Variants in VRK3 observed in about 807,000 individuals in gnomAD.
VRK3 encodes serine/threonine-protein kinase VRK3.
A neutral mutation model predicts 60.4 loss-of-function variants in VRK3; 50 were observed. The observed-to-expected ratio is 0.83, with a 90% CI of 0.66 to 1.05. The LOEUF (loss-of-function observed/expected upper bound fraction) is 1.05, where lower values mean the gene tolerates loss of function less well. Ranked by LOEUF, VRK3 falls within the 50% of genes least tolerant of loss-of-function variation. The probability of loss-of-function intolerance (pLI) is 0.00; values close to 1 mark genes in which losing one functional copy is unlikely to be tolerated. For synonymous variants in VRK3, 246 were observed against 227.8 expected (o/e 1.08, Z -0.72); for missense variants, 549 against 585.3 (o/e 0.94, Z 0.64).
chr19:49,990,601 G>C (rs2076593966), intron 10 of VRK3, among the ~76,000 whole-genome samples: 1 of 151,916 alleles, frequency 6.6e-6, no homozygotes, highest in Non-Finnish European at 1.5e-5. Context: ...TTGAACCCCT[G>C]GGTTCAAGTG....
At chr19:50,007,952 C>T in intron 4 of VRK3, 126 bp from the exon 5 acceptor site, 1 of 1,362,262 alleles carries the variant, frequency 7.3e-7, no homozygotes. Flanking sequence ...TTTCCTGGGA[C>T]CTTCTATGAG....
rs755820657 is a variant in VRK3, at chr19:49,994,880, C to T, written c.804G>A (p.Ser268=). 9 of 1,614,036 alleles carry T rather than the reference C, an allele frequency of 5.6e-6. No individual in the cohort carries two copies. Among genetic ancestry groups the T allele is most frequent in the African/African-American group, 2.7e-5 (2 of 74,928 alleles). Residue 268 remains serine (S), a synonymous_variant, in exon 9 of 15, where the codon TCG becomes TCA. Transcript: ENST00000316763. ...VLPSLGRSLQ[S]ALDVSPKHVL... is the part of the protein sequence containing the mutation. ...CATGCTTTGGGCTGACATCCAGGGC[C>T]GACTGAAGGCTCCTCCCCAGGCTGG...
rs966069373 is a variant in VRK3 at position 49,997,485 on chromosome 19, C to T, written c.679+19G>A. The T allele has an allele frequency of 6.2e-7, 1 of 1,613,460 alleles. No individual in the cohort carries two copies. Among genetic ancestry groups the T allele is most frequent in the Middle Eastern group, 1.7e-4 (1 of 6,058 alleles). On this transcript the variant is annotated intron_variant, in intron 7 of 14. Transcript: ENST00000316763. ...GCCCCCCTCACTCTCCCCTCCTTGCCCAGTTCCCTGTCAGGTACCTTGCAG... is the reference window on the plus strand; with the variant it reads ...GCCCCCCTCACTCTCCCCTCCTTGCTCAGTTCCCTGTCAGGTACCTTGCAG...
intron 3 of VRK3, among the ~76,000 whole-genome samples, chr19:50,014,130 G>T (rs1167547244): frequency 6.6e-6 from 1 of 152,120 alleles, no homozygotes; most frequent in East Asian, 1.9e-4. Context: ...AGCCGGGCAT[G>T]GTGGTACATA....
At chr19:49,980,929 C>T (rs1483282357) in intron 13 of VRK3, 26 bp downstream of exon 13, 2 of 1,601,344 alleles carry the variant, frequency 1.2e-6, no homozygotes, top group Non-Finnish European at 1.7e-6. Flanking sequence ...GAGTCCCCGC[C>T]TGTTCCCGCT....
intron 4 of VRK3, 44 bp from the exon 5 acceptor site, chr19:50,007,870 A>T (rs1290031700): frequency 1.2e-6 from 2 of 1,607,262 alleles, no homozygotes; most frequent in African/African-American, 2.7e-5. Flanking sequence ...CATCCAGGAG[A>T]GAAAAGTTAG....
chr19:49,999,650 C>G (rs1449106687), intron 6 of VRK3: 2 of 152,268 alleles, frequency 1.3e-5, no homozygotes, highest in Admixed American at 6.5e-5. Flanking sequence ...CAGCCCACCC[C>G]TCTTCCCGAT....
intron 12 of VRK3, among the ~76,000 whole-genome samples, chr19:49,982,387 C>T (rs1600651232): frequency 6.6e-6 from 1 of 152,360 alleles, no homozygotes; most frequent in East Asian, 1.9e-4. Flanking sequence ...GTCTGATCCT[C>T]CTGTCTCGGC....
At chr19:50,022,551 C>T (rs960000026) in intron 1 of VRK3, among the ~76,000 whole-genome samples, 1 of 151,940 alleles carries the variant, frequency 6.6e-6, no homozygotes, top group Non-Finnish European at 1.5e-5. Flanking sequence ...TTTGGGAGGC[C>T]GAGGTGGGCG....
chr19:50,023,839 A>T (rs556289400), intron 1 of VRK3, among the ~76,000 whole-genome samples: 2 of 152,266 alleles, frequency 1.3e-5, no homozygotes, highest in African/African-American at 4.8e-5. Flanking sequence ...ATCTAGCTGG[A>T]TGGTCCCTAA....
intron 12 of VRK3, among the ~76,000 whole-genome samples, chr19:49,982,959 C>A (rs2076449010): frequency 6.6e-6 from 1 of 152,086 alleles, no homozygotes; most frequent in East Asian, 1.9e-4. Context: ...CAGCCCCACC[C>A]TCCAGTTTCT....
chr19:49,988,148 C>A (rs540344560), intron 12 of VRK3: 34 of 493,474 alleles, frequency 6.9e-5, no homozygotes, highest in Admixed American at 6.0e-4. Context: ...GTTAACACCC[C>A]ACAGTGGTGG....
intron 12 of VRK3, chr19:49,986,819 C>A (rs2076524058): frequency 6.6e-6 from 1 of 152,250 alleles, no homozygotes; most frequent in African/African-American, 2.4e-5. Flanking sequence ...GAGATATTCC[C>A]GGGGTCTGAG....
At chr19:49,988,536 C>T in intron 11 of VRK3, 44 bp from the exon 12 acceptor site, 1 of 1,600,660 alleles carries the variant, frequency 6.2e-7, no homozygotes, top group Non-Finnish European at 8.5e-7. Flanking sequence ...TCTGGACGCT[C>T]CACTCACTGG....
chr19:49,981,263 T>G, intron 12 of VRK3: 1 of 526,030 alleles, frequency 1.9e-6, no homozygotes, highest in Non-Finnish European at 3.4e-6. Flanking sequence ...ACACCTTGTT[T>G]TGGCCGGGCA....
intron 1 of VRK3, among the ~76,000 whole-genome samples, chr19:50,023,856 CG>C (rs2077213553): frequency 6.6e-6 from 1 of 152,304 alleles, no homozygotes; most frequent in South Asian, 2.1e-4. Context: ...CTAAAAAAGA[CG>C]TGCCACTTAG....
chr19:50,006,120 T>A lies in VRK3; in HGVS notation c.547+1449A>T, dbSNP rs530886062. Among the ~76,000 whole-genome samples, 10 of 137,944 alleles carry A rather than the reference T, an allele frequency of 7.2e-5. 1 individual carries two copies. Among genetic ancestry groups the A allele is most frequent in the African/African-American group, 1.1e-4 (3 of 28,188 alleles). 90.5% of individuals were successfully genotyped at this position (137,944 alleles called of 152,430 possible). On this transcript the variant is annotated intron_variant, in intron 5 of 14. Coordinates refer to ENST00000316763, the MANE Select transcript of VRK3 (RefSeq NM_016440.4). ...GGCCAACATGGTAACACCCTGTCTC[T>A]ACTAAAAATACAAAAAATAAAAATA...
At chr19:49,994,491 C>T (rs576100124) in intron 9 of VRK3, among the ~76,000 whole-genome samples, 40 of 152,368 alleles carry the variant, frequency 2.6e-4, no homozygotes, top group Non-Finnish European at 4.6e-4. Context: ...CTATCCTCTT[C>T]CTCTTCCACC....
At chr19:49,985,021 C>T (rs2076488169) in intron 12 of VRK3, among the ~76,000 whole-genome samples, 1 of 152,214 alleles carries the variant, frequency 6.6e-6, no homozygotes, top group African/African-American at 2.4e-5. Flanking sequence ...CCCTACTGCC[C>T]TCAGTCTCCT....
Sources: gnomAD v4.1 joint callset for allele counts (sites outside exome capture counted in the v4.1 genomes callset) on GRCh38, gnomAD v4.1.1 for gene constraint, MANE v1.5 for transcripts, NCBI Gene and HGNC (gene_info 2026-07-23, HGNC 2026-07-21) for gene names.